Variants in COL4A4 observed in about 807,000 individuals in gnomAD.
COL4A4 encodes the protein collagen type IV alpha 4 chain.
A neutral mutation model predicts 192.9 loss-of-function variants in COL4A4; 105 were observed. That is an observed-to-expected ratio of 0.54 (90% CI 0.46 to 0.64). COL4A4 has a LOEUF of 0.64. Ranked by LOEUF, COL4A4 falls within the 30% of genes least tolerant of loss-of-function variation. The probability of loss-of-function intolerance (pLI) is 0.00; values close to 1 mark genes in which losing one functional copy is unlikely to be tolerated. For missense variants in COL4A4, 1,967 were observed against 2,169.3 expected, an observed-to-expected ratio of 0.91 and a Z score of 1.85; for synonymous variants, 762 against 769.9, an observed-to-expected ratio of 0.99 and a Z score of 0.17.
rs749160885 is a variant in COL4A4 at position 227,088,793 on chromosome 2, C to A, written c.1483G>T (p.Glu495Ter). 1 of 1,614,034 alleles carries A rather than the reference C, an allele frequency of 6.2e-7. No homozygotes were observed. The highest frequency in any genetic ancestry group is 1.3e-5 in the African/African-American group (1 of 74,924). ...EKGNEGLCAC[E>*]PGPMGPPGPP... ...CCAGGGGGGCCCATGGGTCCAGGCTCACAGGCACAGAGTCCTTCATTTCCT... is the reference window on the plus strand; with the variant it reads ...CCAGGGGGGCCCATGGGTCCAGGCTAACAGGCACAGAGTCCTTCATTTCCT... The change falls in exon 22 of 48, where the codon GAG becomes TAG. Residue 495 changes from glutamate to a stop codon, truncating the protein, a stop_gained. Coordinates refer to ENST00000396625, the MANE Select transcript of COL4A4 (RefSeq NM_000092.5). LOFTEE classifies it high-confidence loss of function.
At chr2:226,978,509 C>T in the COL4A4 span, among the ~76,000 whole-genome samples, 24 of 152,124 alleles carry the variant, frequency 1.6e-4, no homozygotes, top group Non-Finnish European at 2.9e-4. Context: ...CCACCTACGT[C>T]GAGCCTCAGT....
At chr2:227,161,862 T>C (rs2064861577) in intron 1 of COL4A4, among the ~76,000 whole-genome samples, 1 of 152,102 alleles carries the variant, frequency 6.6e-6, no homozygotes. Context: ...CCAGCCATTT[T>C]AGTACTGAGC....
intron 44 of COL4A4, among the ~76,000 whole-genome samples, chr2:227,017,682 T>C (rs1965195115): frequency 1.3e-5 from 2 of 152,226 alleles, no homozygotes; most frequent in South Asian, 4.1e-4. Flanking sequence ...CGTGTGGCTG[T>C]CATCCACCCA....
intron 29 of COL4A4, 137 bp from the exon 30 acceptor site, chr2:227,056,252 A>G (rs1975325587): frequency 1.4e-6 from 1 of 739,524 alleles, no homozygotes; most frequent in Non-Finnish European, 2.4e-6. Context: ...AACAGTAGCA[A>G]CTTTCCATCA....
At chr2:227,077,530 A>T (rs1208871450) in intron 25 of COL4A4, among the ~76,000 whole-genome samples, 1 of 152,158 alleles carries the variant, frequency 6.6e-6, no homozygotes, top group African/African-American at 2.4e-5. Flanking sequence ...GCATTAGGAC[A>T]AATACCTTAA....
intron 4 of COL4A4, among the ~76,000 whole-genome samples, chr2:227,132,920 C>T (rs747912226): frequency 3.3e-5 from 5 of 152,042 alleles, no homozygotes; most frequent in Non-Finnish European, 7.4e-5. Flanking sequence ...CATTATAATT[C>T]CTCATCTTAG....
At chr2:227,110,076 C>T (rs1183539548) in intron 9 of COL4A4, among the ~76,000 whole-genome samples, 2 of 152,078 alleles carry the variant, frequency 1.3e-5, no homozygotes, top group Non-Finnish European at 2.9e-5. Flanking sequence ...CAAGATGAGT[C>T]AGCCATACAA....
chr2:227,113,318 C>T (rs999688756), intron 8 of COL4A4, among the ~76,000 whole-genome samples: 2 of 152,114 alleles, frequency 1.3e-5, no homozygotes, highest in East Asian at 1.9e-4. Context: ...ATCTACAGGT[C>T]ATTTTTATTA....
At chr2:227,109,700 T>C (rs573824776) in intron 9 of COL4A4, among the ~76,000 whole-genome samples, 14 of 151,734 alleles carry the variant, frequency 9.2e-5, no homozygotes, top group African/African-American at 3.2e-4. Context: ...TGAGCCGAGA[T>C]TGTGCCACTG....
At chr2:226,977,879 AAG>A in the COL4A4 span, among the ~76,000 whole-genome samples, 1 of 152,348 alleles carries the variant, frequency 6.6e-6, no homozygotes, top group South Asian at 2.1e-4. Flanking sequence ...TGTAAACATG[AAG>A]AGTTTGCATT....
At chr2:227,041,804 G>GA (rs1559476781) in intron 37 of COL4A4, among the ~76,000 whole-genome samples, 2 of 50,382 alleles carry the variant, frequency 4.0e-5, no homozygotes, top group South Asian at 1.0e-3. Flanking sequence ...AAGAAAGAAA[G>GA]GAAGAAAGAA....
intron 37 of COL4A4, among the ~76,000 whole-genome samples, chr2:227,038,845 T>C (rs1224478046): frequency 6.6e-6 from 1 of 152,270 alleles, no homozygotes; most frequent in Non-Finnish European, 1.5e-5. Flanking sequence ...TTCATTTTTA[T>C]ATCAGCATGA....
chr2:227,054,722 G>C lies in COL4A4; in HGVS notation c.2732C>G (p.Pro911Arg), dbSNP rs764465049. 1.2e-6 allele frequency: 2 copies of C among 1,614,094 alleles called. No homozygotes were observed. The highest frequency in any genetic ancestry group is 4.5e-5 in the East Asian group (2 of 44,878). The change falls in exon 31 of 48, where the codon CCT (proline) becomes CGT (arginine). Residue 911 changes from proline (P) to arginine (R), a missense_variant. Transcript: ENST00000396625. ...TTCTCCGGGAAAACCTGGGAAACCA[G>C]GCAGCCCCCGGGGTCCTGGTGAAAT... Reference protein sequence around the residue: ...PPGPKGPRGLPGFPGFPGERG... With the variant: ...PPGPKGPRGLRGFPGFPGERG...
At chr2:227,133,328 C>T (rs1020933925) in intron 4 of COL4A4, among the ~76,000 whole-genome samples, 1 of 152,196 alleles carries the variant, frequency 6.6e-6, no homozygotes, top group Non-Finnish European at 1.5e-5. Context: ...TACGTAGACT[C>T]GGTCTGTTTG....
chr2:227,106,904 T>C (rs1226500891), intron 12 of COL4A4, among the ~76,000 whole-genome samples: 1 of 152,190 alleles, frequency 6.6e-6, no homozygotes, highest in East Asian at 1.9e-4. Context: ...CCTGACAATC[T>C]AAAAGAATTA....
chr2:227,156,395 T>TG (rs2064353666), intron 1 of COL4A4, among the ~76,000 whole-genome samples: 1 of 135,166 alleles, frequency 7.4e-6, no homozygotes, highest in Admixed American at 7.4e-5. Context: ...AAACCCCGTC[T>TG]AAAAAAAAAA....
intron 21 of COL4A4, among the ~76,000 whole-genome samples, 197 bp from the exon 22 acceptor site, chr2:227,089,013 G>T (rs1487759899): frequency 6.6e-6 from 1 of 152,194 alleles, no homozygotes; most frequent in East Asian, 1.9e-4. Flanking sequence ...ATGGGATGTA[G>T]GGTGGGCATA....
chr2:227,054,963 T>C (rs1159204548), intron 30 of COL4A4, among the ~76,000 whole-genome samples: 2 of 152,044 alleles, frequency 1.3e-5, no homozygotes, highest in African/African-American at 2.4e-5. Flanking sequence ...CTAATTTTTG[T>C]ATTTTTAGTA....
At position 227,022,148 on chromosome 2, in the gene COL4A4, C is replaced by T. The variant is rs1210526365; in HGVS notation, c.4116G>A (p.Val1372=). Residue 1372 remains valine, a synonymous_variant, in exon 44 of 48, where the codon GTG becomes GTA. Coordinates refer to ENST00000396625, the MANE Select transcript of COL4A4 (RefSeq NM_000092.5). The part of the protein sequence containing the change: ...PRGEPGPPAD[V]DDCPRIPGLP... ...GGCCTGGGATTCGGGGACAGTCATC[C>T]ACATCTGCAGGTGGCCCCGGTTCAC... 5.6e-6 allele frequency: 9 copies of T among 1,614,150 alleles called. No homozygotes were observed. The highest frequency in any genetic ancestry group is 6.8e-6 in the Non-Finnish European group (8 of 1,180,040).
Sources: allele counts gnomAD v4.1 joint callset (sites outside exome capture counted in the v4.1 genomes callset), GRCh38; gene constraint gnomAD v4.1.1; transcripts MANE v1.5; gene names NCBI Gene and HGNC (gene_info 2026-07-23, HGNC 2026-07-21).